MACROD2: variants seen among roughly 807,000 people sequenced by gnomAD.
The protein encoded by MACROD2 is mono-ADP ribosylhydrolase 2, also known as ADP-ribose glycohydrolase MACROD2.
Under a neutral mutation model 70.4 loss-of-function variants are expected in MACROD2, and 36 were observed. The observed-to-expected ratio is 0.51, with a 90% CI of 0.39 to 0.68. MACROD2 has a LOEUF of 0.68. Ranked by LOEUF, MACROD2 falls within the 30% of genes least tolerant of loss-of-function variation. The pLI, the probability that MACROD2 is intolerant of heterozygous loss-of-function variation, is 0.00. For synonymous variants in MACROD2, 172 were observed against 178.8 expected (o/e 0.96, Z 0.30); for missense variants, 496 against 538.4 (o/e 0.92, Z 0.78).
intron 7 of MACROD2, among the ~76,000 whole-genome samples, chr20:15,472,893 G>T (rs1477891059): frequency 6.6e-6 from 1 of 152,076 alleles, no homozygotes; most frequent in Non-Finnish European, 1.5e-5. Context: ...TAGGGAGTTT[G>T]CCATAAATAC....
intron 4 of MACROD2, among the ~76,000 whole-genome samples, chr20:14,544,483 A>T (rs1361761020): frequency 6.6e-6 from 1 of 152,142 alleles, no homozygotes; most frequent in Non-Finnish European, 1.5e-5. Flanking sequence ...TGAGAATTAA[A>T]ATTTTAGTAG....
intron 4 of MACROD2, among the ~76,000 whole-genome samples, chr20:14,627,595 G>A (rs1049878202): frequency 6.6e-6 from 1 of 152,092 alleles, no homozygotes; most frequent in African/African-American, 2.4e-5. Flanking sequence ...CTGTTTGGAG[G>A]GGAGGAAAAC....
chr20:15,247,477 A>T (rs1315381037), intron 6 of MACROD2, among the ~76,000 whole-genome samples: 6 of 152,198 alleles, frequency 3.9e-5, no homozygotes, highest in African/African-American at 4.8e-5. Flanking sequence ...ATTACACACA[A>T]AAAAGTATTT....
chr20:15,298,695 G>C (rs1432638254), intron 6 of MACROD2, among the ~76,000 whole-genome samples: 1 of 152,128 alleles, frequency 6.6e-6, no homozygotes, highest in Non-Finnish European at 1.5e-5. Flanking sequence ...ATGGTTGTTG[G>C]TTACATTCTG....
At chr20:14,714,710 T>G (rs1211443155) in intron 5 of MACROD2, among the ~76,000 whole-genome samples, 1 of 152,156 alleles carries the variant, frequency 6.6e-6, no homozygotes. Context: ...CTCATTGTCT[T>G]GTCAACTCCT....
At chr20:15,528,736 T>C (rs1324783361) in intron 8 of MACROD2, among the ~76,000 whole-genome samples, 1 of 151,408 alleles carries the variant, frequency 6.6e-6, no homozygotes, top group Non-Finnish European at 1.5e-5. Flanking sequence ...TTTTTTTTTT[T>C]TCAGTTCCTT....
Position 14,000,369 on chromosome 20 carries a change from G to A in MACROD2, c.47-1919G>A, listed in dbSNP as rs184924448. ...GCTGAAGTTCTAGTTATAGGAGTGG[G>A]AAAAATATTGGTTCCCCATTTTCTG... On this transcript the variant is annotated intron_variant, in intron 1 of 17. Coordinates refer to ENST00000684519, the MANE Select transcript of MACROD2 (RefSeq NM_001351661.2). Among the ~76,000 whole-genome samples the A allele has an allele frequency of 2.9e-4, 44 of 152,028 alleles. No homozygotes were observed. In the East Asian group the frequency reaches 8.3e-3, roughly 29 times the overall value.
Position 15,656,246 on chromosome 20 carries a change from A to G in MACROD2, c.645+156399A>G, listed in dbSNP as rs186076335. 5.3e-5 allele frequency among the ~76,000 whole-genome samples: 8 copies of G among 152,364 alleles called. No homozygotes were observed. The East Asian group carries it at 1.5e-3, about 29-fold the overall frequency. On this transcript the variant is annotated intron_variant, in intron 8 of 17. Transcript: ENST00000684519. The stretch of plus-strand genomic sequence containing the variant: ...CAGAGGCAGAATGCTTCTCCTTTTG[A>G]TAACAGGGCTAACTAGTTTCTGAAG...
At chr20:15,208,999 G>T (rs1371365999) in intron 5 of MACROD2, among the ~76,000 whole-genome samples, 1 of 152,160 alleles carries the variant, frequency 6.6e-6, no homozygotes, top group African/African-American at 2.4e-5. Context: ...TGATGACAGG[G>T]GAAGGGATGA....
At chr20:15,675,998 G>T (rs943690005) in intron 8 of MACROD2, among the ~76,000 whole-genome samples, 1 of 152,124 alleles carries the variant, frequency 6.6e-6, no homozygotes, top group African/African-American at 2.4e-5. Context: ...CTCCTTTCTT[G>T]TGTATCAAAT....
chr20:15,916,322 A>C (rs898001034), intron 10 of MACROD2, among the ~76,000 whole-genome samples: 2 of 152,184 alleles, frequency 1.3e-5, no homozygotes, highest in African/African-American at 4.8e-5. Flanking sequence ...CCCTGAGAGC[A>C]AGGCACGGGG....
chr20:15,354,658 G>C (rs1033466036), intron 6 of MACROD2, among the ~76,000 whole-genome samples: 2 of 126,308 alleles, frequency 1.6e-5, no homozygotes, highest in East Asian at 3.9e-4. Flanking sequence ...AAAAGAAAAA[G>C]TTTTAGGCAT....
chr20:15,884,922 G>A (rs2064803699), intron 9 of MACROD2, among the ~76,000 whole-genome samples: 1 of 152,092 alleles, frequency 6.6e-6, no homozygotes, highest in African/African-American at 2.4e-5. Flanking sequence ...GGAGGAAGGG[G>A]TGAGAGGTCT....
chr20:16,038,674 A>G (rs1344032144), intron 15 of MACROD2, among the ~76,000 whole-genome samples: 1 of 151,928 alleles, frequency 6.6e-6, no homozygotes, highest in African/African-American at 2.4e-5. Context: ...TGCCTCTGCA[A>G]TACCTGGATC....
rs1020173114 is a variant in MACROD2, at chr20:15,424,915, G to A, written c.541-6490G>A. Among the ~76,000 whole-genome samples the A allele has an allele frequency of 3.3e-5, 5 of 152,322 alleles. No homozygotes were observed. The South Asian group carries it at 1.0e-3, about 32-fold the overall frequency. On this transcript the variant is annotated intron_variant, in intron 6 of 17. Coordinates refer to ENST00000684519, the MANE Select transcript of MACROD2 (RefSeq NM_001351661.2). The stretch of plus-strand genomic sequence containing the variant: ...GTTGTCATTTCTGGCGGATTGGCTG[G>A]GCAACTGCCATCCCTTGACTTTCAG...
chr20:14,998,291 T>C (rs1024560299), intron 5 of MACROD2, among the ~76,000 whole-genome samples: 2 of 152,210 alleles, frequency 1.3e-5, no homozygotes, highest in Non-Finnish European at 2.9e-5. Flanking sequence ...CAGTGACCAA[T>C]ACTGGAGTGA....
chr20:15,628,520 G>A (rs1440436452), intron 8 of MACROD2, among the ~76,000 whole-genome samples: 2 of 152,232 alleles, frequency 1.3e-5, no homozygotes, highest in Non-Finnish European at 2.9e-5. Context: ...AGGTGTTCCA[G>A]TTATGCATTG....
intron 8 of MACROD2, among the ~76,000 whole-genome samples, chr20:15,574,465 A>C (rs190286000): frequency 3.9e-5 from 6 of 152,230 alleles, no homozygotes; most frequent in Admixed American, 3.9e-4. Context: ...TAAATTTCTT[A>C]ATATTTATAT....
chr20:14,083,022 A>G (rs2054019492), intron 2 of MACROD2, among the ~76,000 whole-genome samples: 1 of 151,782 alleles, frequency 6.6e-6, no homozygotes, highest in Admixed American at 6.6e-5. Flanking sequence ...AGTAATAAAT[A>G]TGATATTTTA....
Sources: gnomAD v4.1 joint callset for allele counts (sites outside exome capture counted in the v4.1 genomes callset) on GRCh38, gnomAD v4.1.1 for gene constraint, MANE v1.5 for transcripts, NCBI Gene and HGNC (gene_info 2026-07-23, HGNC 2026-07-21) for gene names.